SYNPO: variants seen among roughly 807,000 people sequenced by gnomAD.
SYNPO encodes the protein synaptopodin.
SYNPO carries 19 observed loss-of-function variants against 49.5 expected under a neutral mutation model. The ratio of observed to expected loss-of-function variants is 0.38; its 90% CI spans 0.27 to 0.56. The LOEUF is 0.56. Ranked by LOEUF, SYNPO falls within the 20% of genes least tolerant of loss-of-function variation. The pLI is 0.68. For synonymous variants in SYNPO, 536 were observed against 548.0 expected, an observed-to-expected ratio of 0.98 and a Z score of 0.31; for missense variants, 1,131 against 1,248.3, an observed-to-expected ratio of 0.91 and a Z score of 1.42.
At chr5:150,624,625 G>C (rs1757286012) in intron 2 of SYNPO, 1 of 155,188 alleles carries the variant, frequency 6.4e-6, no homozygotes, top group South Asian at 2.0e-4. Context: ...GGGCGGGGCG[G>C]GGCGGGAGGG....
At chr5:150,600,184 GGAGGCTCCTGCACCT>G (rs1756495819), upstream of SYNPO, among the ~76,000 whole-genome samples, 1 of 152,242 alleles carries the variant, frequency 6.6e-6, no homozygotes, top group South Asian at 2.1e-4. Flanking sequence ...TGTAAAGGAG[GGAGGCTCCTGCACCT>G]GAGGCTTCCA....
chr5:150,586,403 T>C, the SYNPO span, among the ~76,000 whole-genome samples: 1 of 152,268 alleles, frequency 6.6e-6, no homozygotes, highest in Non-Finnish European at 1.5e-5. Context: ...GTCTTAGCTC[T>C]AGCTACTCTT....
chr5:150,647,202 C>T (rs952546780), intron 1 of SYNPO, among the ~76,000 whole-genome samples: 1 of 151,350 alleles, frequency 6.6e-6, no homozygotes, highest in African/African-American at 2.4e-5. Flanking sequence ...GAGATTGCGC[C>T]GCTGCGCTCT....
At chr5:150,587,869 T>C in the SYNPO span, among the ~76,000 whole-genome samples, 4 of 152,166 alleles carry the variant, frequency 2.6e-5, no homozygotes, top group Admixed American at 6.5e-5. Context: ...GGACAAGTCA[T>C]TGGGACTCCA....
chr5:150,649,984 C>T lies in SYNPO; in HGVS notation c.1709C>T (p.Ser570Leu), dbSNP rs776537601. 7 of 1,612,866 alleles carry T rather than the reference C, an allele frequency of 4.3e-6. No homozygotes were observed. The highest frequency in any genetic ancestry group is 4.2e-6 in the Non-Finnish European group (5 of 1,180,002). ...TKQPPYQLRP[S>L]LFVLSPIKEP... ...CAGCCGCCATACCAGCTGCGCCCCT[C>T]GCTCTTTGTCCTCTCACCTATCAAG... The change falls in exon 2 of 3, where the codon TCG becomes TTG. Residue 570 changes from serine (S) to leucine (L), a missense_variant. Transcript: ENST00000307662.
intron 2 of SYNPO, among the ~76,000 whole-genome samples, chr5:150,622,334 A>C (rs1757206589): frequency 6.6e-6 from 1 of 152,198 alleles, no homozygotes; most frequent in South Asian, 2.1e-4. Flanking sequence ...GCCTGTCTCC[A>C]TGGTGATGAG....
intron 1 of SYNPO, among the ~76,000 whole-genome samples, chr5:150,642,799 G>A (rs1414332707): frequency 6.6e-6 from 1 of 152,248 alleles, no homozygotes; most frequent in Non-Finnish European, 1.5e-5. Context: ...TTGCCTTGGA[G>A]GGCAGGGCTC....
chr5:150,647,144 G>A (rs1210576826), intron 1 of SYNPO, among the ~76,000 whole-genome samples: 1 of 152,092 alleles, frequency 6.6e-6, no homozygotes, highest in African/African-American at 2.4e-5. Flanking sequence ...TCGGGAGGCT[G>A]AGGCAGGAGA....
intron 1 of SYNPO, among the ~76,000 whole-genome samples, chr5:150,604,672 G>C (rs1412292449): frequency 2.6e-5 from 4 of 152,150 alleles, no homozygotes; most frequent in Non-Finnish European, 4.4e-5. Context: ...CTCACCAGGC[G>C]ACTGCGTCTC....
chr5:150,618,324 G>A, exon 2 of SYNPO: 1 of 1,521,570 alleles, frequency 6.6e-7, no homozygotes, highest in Non-Finnish European at 8.8e-7. Context: ...CCTGGCCCAG[G>A]CCCAGGAGCC....
intron 2 of SYNPO, chr5:150,651,278 G>A: frequency 3.0e-6 from 3 of 1,001,342 alleles, no homozygotes; most frequent in Non-Finnish European, 3.6e-6. Flanking sequence ...CCAGGGGGAG[G>A]CAGGAGAGGA....
At chr5:150,643,718 A>G (rs543401830) in intron 1 of SYNPO, among the ~76,000 whole-genome samples, 1 of 152,072 alleles carries the variant, frequency 6.6e-6, no homozygotes, top group Non-Finnish European at 1.5e-5. Context: ...TATTTTTAGT[A>G]GAGATGGGGT....
intron 1 of SYNPO, among the ~76,000 whole-genome samples, chr5:150,606,968 A>G (rs1237148909): frequency 6.6e-6 from 1 of 151,962 alleles, no homozygotes; most frequent in East Asian, 1.9e-4. Context: ...TGGATTTAAT[A>G]GTAGCCTTGG....
chr5:150,617,081 A>C (rs1176757227), intron 1 of SYNPO, among the ~76,000 whole-genome samples: 2 of 152,200 alleles, frequency 1.3e-5, no homozygotes, highest in Non-Finnish European at 2.9e-5. Flanking sequence ...GTATTAAGGT[A>C]TGGCTTAGAA....
At chr5:150,636,638 G>A (rs1262879688), upstream of SYNPO, among the ~76,000 whole-genome samples, 1 of 152,218 alleles carries the variant, frequency 6.6e-6, no homozygotes, top group Non-Finnish European at 1.5e-5. Flanking sequence ...GGCCAGACCT[G>A]CCTGGTAATT....
intron 1 of SYNPO, among the ~76,000 whole-genome samples, chr5:150,647,154 A>G (rs1758128145): frequency 6.6e-6 from 1 of 152,116 alleles, no homozygotes. Context: ...GAGGCAGGAG[A>G]ATCACTTGAA....
At chr5:150,622,951 A>G (rs1259481720) in intron 2 of SYNPO, among the ~76,000 whole-genome samples, 6 of 152,162 alleles carry the variant, frequency 3.9e-5, no homozygotes, top group African/African-American at 7.2e-5. Flanking sequence ...CATGCAAACC[A>G]TCACACATAT....
In SYNPO at chr5:150,656,620, C is replaced by G. The variant is rs749839205; in HGVS notation, c.2245C>G (p.Pro749Ala). 45 of 1,511,884 alleles carry G rather than the reference C, an allele frequency of 3.0e-5. No homozygotes were observed. The highest frequency in any genetic ancestry group is 3.8e-5 in the Non-Finnish European group (43 of 1,137,832). The allele number at this position is 1,511,884 out of a possible 1,614,324, so 93.7% of individuals were successfully genotyped here. Residue 749 changes from proline to alanine, a missense_variant, in exon 3 of 3, where the codon CCC (proline) becomes GCC (alanine). This residue lies in a region of SYNPO where 509 missense variants were observed against 484.5 expected (regional missense o/e 1.05). Coordinates refer to ENST00000307662, the MANE Select transcript of SYNPO (RefSeq NM_007286.6). ...PLRPETEARP[P>A]SRQLQALLAR... is the part of the protein sequence containing the mutation. ...GCGACCTGAGACCGAGGCGCGGCCC[C>G]CCAGCCGCCAGCTGCAGGCGCTTCT...
chr5:150,638,167 T>C (rs1240686827), upstream of SYNPO, among the ~76,000 whole-genome samples: 1 of 152,210 alleles, frequency 6.6e-6, no homozygotes, highest in Non-Finnish European at 1.5e-5. Flanking sequence ...CTTAGAATGC[T>C]TCCTTATCTC....
Sources: gnomAD v4.1 joint callset for allele counts (sites outside exome capture counted in the v4.1 genomes callset) on GRCh38, gnomAD v4.1.1 for gene constraint, gnomAD v4.1.1 regional missense constraint, MANE v1.5 for transcripts, NCBI Gene and HGNC (gene_info 2026-07-23, HGNC 2026-07-21) for gene names.